The following NLGN4X variants were observed in gnomAD, a reference collection of about 807,000 sequenced individuals.
NLGN4X encodes neuroligin-4, X-linked.
Under a neutral mutation model 40.3 loss-of-function variants are expected in NLGN4X, and 3 were observed. The observed-to-expected ratio is 0.07, with a 90% CI of 0.03 to 0.19. The LOEUF (loss-of-function observed/expected upper bound fraction) is 0.19, where lower values mean the gene tolerates loss of function less well. Among genes scored for constraint, NLGN4X ranks in the 10% least tolerant of loss-of-function variants. The pLI, the probability that NLGN4X is intolerant of heterozygous loss-of-function variation, is 1.00. For missense variants in NLGN4X, 382 were observed against 708.3 expected, an observed-to-expected ratio of 0.54 and a Z score of 5.23; for synonymous variants, 270 against 306.8, an observed-to-expected ratio of 0.88 and a Z score of 1.25.
chrX:6,168,639 AT>A (rs1005434742), intron 1 of NLGN4X, among the ~76,000 whole-genome samples: 10 of 108,232 alleles, frequency 9.2e-5, no homozygotes, highest in South Asian at 4.0e-4. Context: ...ATGTCCAGCT[AT>A]TTTTTTTTTA....
chrX:5,940,789 G>GT (rs1303538520), intron 3 of NLGN4X, among the ~76,000 whole-genome samples: 1 of 109,977 alleles, frequency 9.1e-6, no homozygotes, highest in Non-Finnish European at 1.9e-5. Context: ...CTGACATAGC[G>GT]TAAGTCAATG....
At chrX:6,181,050 G>A (rs1167209103) in intron 1 of NLGN4X, among the ~76,000 whole-genome samples, 2 of 111,397 alleles carry the variant, frequency 1.8e-5, no homozygotes, top group Non-Finnish European at 3.8e-5. Flanking sequence ...CAACTCTTAA[G>A]TCTCTGTGCT....
At chrX:6,083,267 T>C (rs1362584750) in intron 2 of NLGN4X, among the ~76,000 whole-genome samples, 2 of 111,128 alleles carry the variant, frequency 1.8e-5, no homozygotes, top group Non-Finnish European at 3.8e-5. Context: ...CCATGATGCG[T>C]TTTTAACGGC....
At chrX:6,178,970 T>A (rs185348944) in intron 1 of NLGN4X, among the ~76,000 whole-genome samples, 1 of 109,699 alleles carries the variant, frequency 9.1e-6, no homozygotes, top group Non-Finnish European at 1.9e-5. Context: ...TGGTGGTGCA[T>A]GCCTGTGGTC....
At chrX:6,117,378 G>C (rs937568922) in intron 2 of NLGN4X, among the ~76,000 whole-genome samples, 5 of 110,735 alleles carry the variant, frequency 4.5e-5, no homozygotes, top group African/African-American at 1.7e-4. Context: ...ATACAGCCTA[G>C]GTTCAATGCA....
intron 1 of NLGN4X, among the ~76,000 whole-genome samples, chrX:6,192,334 C>G (rs997749903): frequency 1.8e-5 from 2 of 110,728 alleles, no homozygotes; most frequent in Non-Finnish European, 3.8e-5. Context: ...CACTGTGTGG[C>G]CCAGGCTGGT....
chrX:5,960,775 T>C (rs946153231), intron 3 of NLGN4X, among the ~76,000 whole-genome samples: 2 of 111,510 alleles, frequency 1.8e-5, no homozygotes, highest in Non-Finnish European at 3.8e-5. Context: ...TTTTTCATGA[T>C]ATAAAGTAGT....
chrX:5,961,805 C>A (rs1339883483), intron 3 of NLGN4X, among the ~76,000 whole-genome samples: 3 of 111,751 alleles, frequency 2.7e-5, no homozygotes, highest in African/African-American at 9.8e-5. Flanking sequence ...TTTTGCGAAC[C>A]CCTGAGGTAT....
rs2031105544 is a variant in NLGN4X at position 5,890,553 on chromosome X, G to A, written c.*2264C>T. On this transcript the variant is annotated 3_prime_UTR_variant, in exon 6 of 6. Transcript: ENST00000381095. Reference sequence around the variant, plus strand: ...ACAGACAGACGAAACCAACATGGATGCCACACATAACTTCCTTTGTAGTTT... The same window carrying A: ...ACAGACAGACGAAACCAACATGGATACCACACATAACTTCCTTTGTAGTTT... The A allele has an allele frequency of 6.2e-6, 2 of 321,000 alleles. No individual in the cohort carries two copies. Among genetic ancestry groups the A allele is most frequent in the Admixed American group, 3.3e-5 (1 of 30,693 alleles). The allele number at this position is 321,000 out of a possible 1,213,427, so 26.5% of individuals were successfully genotyped here. A position where few individuals can be genotyped will look rare whatever the true frequency, so the allele number is the denominator to read the frequency against.
At chrX:6,131,208 A>T (rs1020576059) in intron 2 of NLGN4X, among the ~76,000 whole-genome samples, 2 of 109,429 alleles carry the variant, frequency 1.8e-5, no homozygotes, top group Non-Finnish European at 3.8e-5. Flanking sequence ...TTCATGCATT[A>T]AAAAAAAAGA....
At chrX:6,188,961 T>G (rs1190503029) in intron 1 of NLGN4X, among the ~76,000 whole-genome samples, 5 of 112,495 alleles carry the variant, frequency 4.4e-5, no homozygotes, top group African/African-American at 1.6e-4. Context: ...TGACATAAAT[T>G]GAAATTTTCG....
At chrX:6,052,356 A>G (rs1219623866) in intron 2 of NLGN4X, among the ~76,000 whole-genome samples, 1 of 112,533 alleles carries the variant, frequency 8.9e-6, no homozygotes, top group East Asian at 2.8e-4. Flanking sequence ...ACTAATACAC[A>G]CAGGCAGCCA....
At chrX:5,952,183 G>A (rs1240337740) in intron 3 of NLGN4X, among the ~76,000 whole-genome samples, 1 of 111,625 alleles carries the variant, frequency 9.0e-6, no homozygotes, top group Non-Finnish European at 1.9e-5. Context: ...AGAAAGGATA[G>A]GTGGAGAGGA....
intron 3 of NLGN4X, among the ~76,000 whole-genome samples, chrX:5,951,599 C>T (rs1487448716): frequency 9.0e-6 from 1 of 111,205 alleles, no homozygotes; most frequent in African/African-American, 3.3e-5. Context: ...GCTCACAGTT[C>T]TGGAGACCGG....
intron 2 of NLGN4X, among the ~76,000 whole-genome samples, chrX:6,110,998 G>A (rs1321353476): frequency 2.7e-5 from 3 of 111,506 alleles, no homozygotes; most frequent in African/African-American, 9.8e-5. Flanking sequence ...CCAGCAAAGC[G>A]AAGCTAATCC....
chrX:6,119,946 G>C (rs1026323451), intron 2 of NLGN4X, among the ~76,000 whole-genome samples: 7 of 111,251 alleles, frequency 6.3e-5, no homozygotes, highest in African/African-American at 2.3e-4. Context: ...ATGTAGATTA[G>C]ATAAATTAAT....
intron 3 of NLGN4X, among the ~76,000 whole-genome samples, chrX:5,941,181 GT>G (rs1371465387): frequency 0.047 from 857 of 18,089 alleles, 36 homozygotes; most frequent in East Asian, 0.21. Flanking sequence ...ATGCTAGGGG[GT>G]GTGTGTGTGT....
intron 2 of NLGN4X, among the ~76,000 whole-genome samples, chrX:6,053,855 G>A (rs775397592): frequency 3.6e-5 from 4 of 111,930 alleles, no homozygotes; most frequent in East Asian, 5.6e-4. Flanking sequence ...CAGCAACATC[G>A]GGAAATAATC....
intron 1 of NLGN4X, among the ~76,000 whole-genome samples, chrX:6,168,341 TC>T (rs199605509): frequency 0.11 from 12,868 of 112,144 alleles, 576 homozygotes; most frequent in Admixed American, 0.15. Flanking sequence ...CTAAGTTCTG[TC>T]CGCAACTTCA....
Sources: allele counts gnomAD v4.1 joint callset (sites outside exome capture counted in the v4.1 genomes callset), GRCh38; gene constraint gnomAD v4.1.1; transcripts MANE v1.5; gene names NCBI Gene and HGNC (gene_info 2026-07-23, HGNC 2026-07-21).